HMCN1: variants seen among roughly 807,000 people sequenced by gnomAD.
HMCN1 encodes the protein hemicentin 1.
HMCN1 carries 321 observed loss-of-function variants against 625.9 expected under a neutral mutation model. The observed-to-expected ratio is 0.51, with a 90% CI of 0.47 to 0.56. The LOEUF (loss-of-function observed/expected upper bound fraction) is 0.56, where lower values mean the gene tolerates loss of function less well. HMCN1 is among the 20% of genes least tolerant of loss of function. The pLI, the probability that HMCN1 is intolerant of heterozygous loss-of-function variation, is 0.00. For missense variants in HMCN1, 6,588 were observed against 6,887.3 expected (o/e 0.96, Z 1.54); for synonymous variants, 2,425 against 2,417.6 (o/e 1.00, Z -0.09).
At chr1:186,102,511 A>C (rs1221373912) in intron 68 of HMCN1, among the ~76,000 whole-genome samples, 1 of 152,128 alleles carries the variant, frequency 6.6e-6, no homozygotes, top group African/African-American at 2.4e-5. Context: ...CTGACGCCAC[A>C]CACTGATCCT....
chr1:186,133,265 T>TTATTCCAACATGCTTA (rs1251464089), intron 86 of HMCN1, among the ~76,000 whole-genome samples: 1 of 152,204 alleles, frequency 6.6e-6, no homozygotes, highest in African/African-American at 2.4e-5. Context: ...TTCACCACAG[T>TTATTCCAACATGCTTA]TATTCCAACA....
At chr1:185,786,419 C>A (rs910203473) in intron 1 of HMCN1, among the ~76,000 whole-genome samples, 1 of 152,128 alleles carries the variant, frequency 6.6e-6, no homozygotes, top group African/African-American at 2.4e-5. Context: ...CAATAAGAAA[C>A]CTGATTTTGT....
intron 12 of HMCN1, among the ~76,000 whole-genome samples, chr1:185,963,548 T>C (rs1650179870): frequency 6.6e-6 from 1 of 152,126 alleles, no homozygotes; most frequent in Non-Finnish European, 1.5e-5. Flanking sequence ...ATGTAAAGTT[T>C]CTAGAGCAGC....
intron 1 of HMCN1, among the ~76,000 whole-genome samples, chr1:185,820,334 A>G (rs1406262012): frequency 6.6e-6 from 1 of 152,150 alleles, no homozygotes; most frequent in Non-Finnish European, 1.5e-5. Flanking sequence ...TAAAGCTATC[A>G]GGTCATAGAG....
chr1:186,132,457 A>T, intron 86 of HMCN1, 48 bp downstream of exon 86: 2 of 1,339,906 alleles, frequency 1.5e-6, no homozygotes, highest in Non-Finnish European at 2.1e-6. Context: ...AGGAAATATT[A>T]CCTAATAAAG....
At chr1:186,175,971 A>T (rs1652551319) in intron 103 of HMCN1, among the ~76,000 whole-genome samples, 1 of 151,958 alleles carries the variant, frequency 6.6e-6, no homozygotes. Flanking sequence ...TAAAGTATTA[A>T]TTTTTACCTA....
At chr1:186,097,628 T>C (rs1044279381) in intron 68 of HMCN1, among the ~76,000 whole-genome samples, 14 of 152,090 alleles carry the variant, frequency 9.2e-5, no homozygotes, top group Admixed American at 4.6e-4. Flanking sequence ...ATGGCTATAC[T>C]CCCAAAACAA....
At chr1:185,870,036 T>TAA (rs1553252271) in intron 4 of HMCN1, among the ~76,000 whole-genome samples, 3 of 149,014 alleles carry the variant, frequency 2.0e-5, no homozygotes, top group African/African-American at 7.4e-5. Context: ...TTTTTTTTTT[T>TAA]AAAAAAAAAC....
intron 85 of HMCN1, among the ~76,000 whole-genome samples, chr1:186,131,089 G>C (rs947782925): frequency 1.3e-5 from 2 of 151,994 alleles, no homozygotes; most frequent in African/African-American, 4.8e-5. Flanking sequence ...GTGGTGCTTT[G>C]GTTTATTATT....
At chr1:185,872,750 T>C (rs1663698223) in intron 4 of HMCN1, among the ~76,000 whole-genome samples, 2 of 152,152 alleles carry the variant, frequency 1.3e-5, no homozygotes, top group East Asian at 1.9e-4. Context: ...ATTTTGTATA[T>C]GGGCTCTGGG....
At position 186,086,238 on chromosome 1, in the gene HMCN1, T is replaced by C; in HGVS notation, c.8885-8T>C. ...CTGCTTTCACTTTTAATATATTTACTATTATAGTTCCTCCAAGTGTCATTG... is the reference window on the plus strand; with the variant it reads ...CTGCTTTCACTTTTAATATATTTACCATTATAGTTCCTCCAAGTGTCATTG... On this transcript the variant is annotated splice_polypyrimidine_tract_variant and splice_region_variant and intron_variant, in intron 57 of 106. Coordinates refer to ENST00000271588, the MANE Select transcript of HMCN1 (RefSeq NM_031935.3). The C allele has an allele frequency of 1.2e-6, 2 of 1,604,980 alleles. No individual in the cohort carries two copies. Among genetic ancestry groups the C allele is most frequent in the Non-Finnish European group, 1.7e-6 (2 of 1,172,174 alleles).
At chr1:186,009,802 T>C (rs565472275) in intron 30 of HMCN1, among the ~76,000 whole-genome samples, 77 of 152,216 alleles carry the variant, frequency 5.1e-4, no homozygotes, top group African/African-American at 1.8e-3. Context: ...GATTTACTAG[T>C]AGTTCTGAGG....
At chr1:186,189,465 C>T (rs770988431) in intron 106 of HMCN1, 47 bp from the exon 107 acceptor site, 5 of 1,606,546 alleles carry the variant, frequency 3.1e-6, no homozygotes, top group Non-Finnish European at 4.2e-6. Context: ...CATGCCTCCT[C>T]CTACTTCCAG....
intron 1 of HMCN1, among the ~76,000 whole-genome samples, chr1:185,745,482 G>A (rs1317372256): frequency 6.6e-6 from 1 of 152,172 alleles, no homozygotes; most frequent in African/African-American, 2.4e-5. Flanking sequence ...GTAACCTCAT[G>A]CACTTTCCTT....
intron 57 of HMCN1, 123 bp downstream of exon 57, chr1:186,083,084 A>G (rs1413993476): frequency 1.1e-5 from 5 of 438,966 alleles, no homozygotes; most frequent in Non-Finnish European, 2.1e-5. Flanking sequence ...GCCTATACTC[A>G]TTCAATCCCC....
chr1:185,798,983 T>A (rs925903122), intron 1 of HMCN1, among the ~76,000 whole-genome samples: 1 of 152,238 alleles, frequency 6.6e-6, no homozygotes, highest in Admixed American at 6.5e-5. Context: ...TGGTTCCTAA[T>A]CATATGCATA....
At chr1:185,829,692 T>A (rs1324046764) in intron 1 of HMCN1, among the ~76,000 whole-genome samples, 1 of 152,194 alleles carries the variant, frequency 6.6e-6, no homozygotes, top group Non-Finnish European at 1.5e-5. Flanking sequence ...ATGTATTTGT[T>A]ATTGTAAATA....
At chr1:185,839,363 T>C (rs1312756064) in intron 1 of HMCN1, among the ~76,000 whole-genome samples, 2 of 152,202 alleles carry the variant, frequency 1.3e-5, no homozygotes, top group African/African-American at 4.8e-5. Context: ...TTCTTGAAGA[T>C]GGTATTTATT....
At chr1:186,003,649 G>A (rs1653340821) in intron 28 of HMCN1, 69 bp from the exon 29 acceptor site, 1 of 1,476,096 alleles carries the variant, frequency 6.8e-7, no homozygotes, top group Non-Finnish European at 9.5e-7. Context: ...ATCATTGACT[G>A]CTTTCTAACC....
Sources: allele counts gnomAD v4.1 joint callset (sites outside exome capture counted in the v4.1 genomes callset), GRCh38; gene constraint gnomAD v4.1.1; transcripts MANE v1.5; gene names NCBI Gene and HGNC (gene_info 2026-07-23, HGNC 2026-07-21).